KIF26B: variants seen among roughly 807,000 people sequenced by gnomAD.
KIF26B encodes kinesin-like protein KIF26B.
KIF26B carries 63 observed loss-of-function variants against 151.2 expected under a neutral mutation model. The ratio of observed to expected loss-of-function variants is 0.42; its 90% CI spans 0.34 to 0.51. The LOEUF (loss-of-function observed/expected upper bound fraction) is 0.51, where lower values mean the gene tolerates loss of function less well. KIF26B is among the 20% of genes least tolerant of loss of function. The pLI is 0.07. For missense variants in KIF26B, 2,813 were observed against 2,913.6 expected, an observed-to-expected ratio of 0.97 and a Z score of 0.79; for synonymous variants, 1,357 against 1,262.1, an observed-to-expected ratio of 1.08 and a Z score of -1.59.
chr1:245,473,543 A>G (rs1299780896), intron 4 of KIF26B, among the ~76,000 whole-genome samples: 1 of 151,950 alleles, frequency 6.6e-6, no homozygotes, highest in Non-Finnish European at 1.5e-5. Flanking sequence ...TGCTTTTTAA[A>G]TGACACAATT....
At chr1:245,407,164 T>G (rs1674154879) in intron 3 of KIF26B, among the ~76,000 whole-genome samples, 1 of 152,198 alleles carries the variant, frequency 6.6e-6, no homozygotes, top group Non-Finnish European at 1.5e-5. Context: ...TGTCAGTTTG[T>G]GCATTTCATC....
chr1:245,591,396 C>A (rs991541146), intron 5 of KIF26B, among the ~76,000 whole-genome samples: 4 of 152,160 alleles, frequency 2.6e-5, no homozygotes, highest in African/African-American at 9.7e-5. Flanking sequence ...TGGGCATTTG[C>A]TCTTTTAATG....
chr1:245,587,268 C>G (rs1366251995), intron 5 of KIF26B, among the ~76,000 whole-genome samples: 2 of 152,170 alleles, frequency 1.3e-5, no homozygotes, highest in African/African-American at 2.4e-5. Context: ...CACTGAACCC[C>G]AGTACACAAC....
chr1:245,600,093 T>C (rs1406059084), intron 5 of KIF26B, among the ~76,000 whole-genome samples: 3 of 145,286 alleles, frequency 2.1e-5, no homozygotes, highest in African/African-American at 5.2e-5. Flanking sequence ...GGCTGGAGTG[T>C]AATGGCGTGA....
chr1:245,487,012 G>A (rs1660295941), intron 4 of KIF26B, among the ~76,000 whole-genome samples: 1 of 152,190 alleles, frequency 6.6e-6, no homozygotes. Flanking sequence ...TGAGGCACGG[G>A]TTTGTCACAA....
intron 4 of KIF26B, among the ~76,000 whole-genome samples, chr1:245,444,001 A>AGAG (rs1298007903): frequency 1.7e-5 from 2 of 118,994 alleles, no homozygotes. Flanking sequence ...CTGTTCACCT[A>AGAG]GAGCGGTCAT....
intron 5 of KIF26B, among the ~76,000 whole-genome samples, chr1:245,553,273 G>A (rs150375257): frequency 6.5e-4 from 99 of 152,284 alleles, no homozygotes; most frequent in African/African-American, 2.3e-3. Context: ...GCCTATGAAC[G>A]CCAACTCTGG....
At chr1:245,357,212 G>T (rs1176110661) in intron 2 of KIF26B, among the ~76,000 whole-genome samples, 1 of 152,188 alleles carries the variant, frequency 6.6e-6, no homozygotes, top group African/African-American at 2.4e-5. Context: ...GCCGAGGACT[G>T]GCAGGATCAG....
chr1:245,371,214 C>T (rs899705896), intron 3 of KIF26B, among the ~76,000 whole-genome samples: 1 of 152,154 alleles, frequency 6.6e-6, no homozygotes, highest in Non-Finnish European at 1.5e-5. Flanking sequence ...TATGAATCTG[C>T]GTCCCCTGTG....
rs542342590 is a variant in KIF26B at position 245,578,059 on chromosome 1, C to T, written c.1351-24518C>T. Among the ~76,000 whole-genome samples, 62 of 152,314 alleles carry T rather than the reference C, an allele frequency of 4.1e-4. No individual in the cohort carries two copies. In the South Asian group the frequency reaches 0.012, roughly 30 times the overall value. ...TAACCGGAAGAGCTTTGTGGAACTG[C>T]GGCAATGAGTCCACTCTCCCCAGTC... On this transcript the variant is annotated intron_variant, in intron 5 of 14. Coordinates refer to ENST00000407071, the MANE Select transcript of KIF26B (RefSeq NM_018012.4).
Position 245,445,714 on chromosome 1 carries a change from C to T in KIF26B, c.1166+25969C>T, listed in dbSNP as rs574154648. ...CCAGCTACGCTGGTCACCGAGTATC[C>T]GCCTTGCTCTCCCAGGTGTCCATAA... On this transcript the variant is annotated intron_variant, in intron 4 of 14. Coordinates refer to ENST00000407071, the MANE Select transcript of KIF26B (RefSeq NM_018012.4). Among the ~76,000 whole-genome samples the T allele has an allele frequency of 3.9e-5, 6 of 152,316 alleles. No individual in the cohort carries two copies. The East Asian group carries it at 5.8e-4, about 15-fold the overall frequency.
chr1:245,390,483 G>A (rs1673659879), intron 3 of KIF26B, among the ~76,000 whole-genome samples: 1 of 152,108 alleles, frequency 6.6e-6, no homozygotes, highest in Non-Finnish European at 1.5e-5. Flanking sequence ...GATTACAGGT[G>A]TGAGTCACTG....
chr1:245,708,375 A>G lies in KIF26B; in HGVS notation c.*5769A>G, dbSNP rs953072906. The G allele has an allele frequency of 3.3e-5, 5 of 152,230 alleles. No homozygotes were observed. Among genetic ancestry groups the G allele is most frequent in the Admixed American group, 3.3e-4 (5 of 15,290 alleles). 9.4% of individuals were successfully genotyped at this position (152,230 alleles called of 1,614,324 possible). A position where few individuals can be genotyped will look rare whatever the true frequency, so the allele number is the denominator to read the frequency against. ...GTTCACAGAGTGGTTTTATAGCAAA[A>G]CAGGGACTTGAGTCCAGCTTATTGG... On this transcript the variant is annotated 3_prime_UTR_variant, in exon 15 of 15. Transcript: ENST00000407071.
intron 4 of KIF26B, among the ~76,000 whole-genome samples, chr1:245,469,466 A>ATAGT (rs1659862878): frequency 6.6e-6 from 1 of 152,246 alleles, no homozygotes; most frequent in East Asian, 1.9e-4. Flanking sequence ...ACTGATTGGC[A>ATAGT]TAGTTGTCAG....
intron 4 of KIF26B, among the ~76,000 whole-genome samples, chr1:245,473,938 A>G (rs947314953): frequency 5.3e-5 from 8 of 151,850 alleles, no homozygotes; most frequent in Middle Eastern, 6.4e-3. Context: ...ATAATTTAAT[A>G]CGTTCATATC....
Position 245,595,379 on chromosome 1 carries a change from T to G in KIF26B, c.1351-7198T>G, listed in dbSNP as rs113267186. On this transcript the variant is annotated intron_variant, in intron 5 of 14. Coordinates refer to ENST00000407071, the MANE Select transcript of KIF26B (RefSeq NM_018012.4). ...TGAGAGTTTTTAGCATGAAGGGGTG[T>G]TGAATTTTGTTGAAGGCCTTTTCTG... is the stretch of plus-strand genomic sequence containing the variant. Among the ~76,000 whole-genome samples, 684 of 152,266 alleles carry G rather than the reference T, an allele frequency of 4.5e-3. 5 individuals carry two copies. The highest frequency in any genetic ancestry group is 0.016 in the African/African-American group (649 of 41,524).
chr1:245,500,102 A>G (rs1660591022), intron 4 of KIF26B, among the ~76,000 whole-genome samples: 1 of 152,340 alleles, frequency 6.6e-6, no homozygotes, highest in Non-Finnish European at 1.5e-5. Flanking sequence ...TGTCTTACAT[A>G]TTCATTGTCT....
rs189379055 is a variant in KIF26B at position 245,352,019 on chromosome 1, C to G, written c.466-14815C>G. Among the ~76,000 whole-genome samples the G allele has an allele frequency of 5.9e-5, 9 of 152,236 alleles. No homozygotes were observed. The East Asian group carries it at 1.7e-3, about 29-fold the overall frequency. ...TCTGCATTTATATTGGAAAGCACTACATGAAAAAATGAGATTTGAAAGTTT... is the reference window on the plus strand; with the variant it reads ...TCTGCATTTATATTGGAAAGCACTAGATGAAAAAATGAGATTTGAAAGTTT... On this transcript the variant is annotated intron_variant, in intron 2 of 14. Coordinates refer to ENST00000407071, the MANE Select transcript of KIF26B (RefSeq NM_018012.4). This position sits in a 1 kb window ranked among gnomAD's most constrained non-coding sequence, Gnocchi z 5.0.
chr1:245,684,290 C>CGCCT lies in KIF26B; in HGVS notation c.2316_2317insGCCT (p.Thr773AlafsTer71). The CGCCT allele has an allele frequency of 6.2e-7, 1 of 1,613,990 alleles. No homozygotes were observed. The highest frequency in any genetic ancestry group is 8.5e-7 in the Non-Finnish European group (1 of 1,179,882). ...CTCTGGGGAACATGAACTGCCGTAC[C>CGCCT]ACCATGATCGCGCACATCTCGGCCG... On this transcript the variant is annotated frameshift_variant, in exon 11 of 15. Coordinates refer to ENST00000407071, the MANE Select transcript of KIF26B (RefSeq NM_018012.4). LOFTEE classifies it high-confidence loss of function.
Sources: gnomAD v4.1 joint callset for allele counts (sites outside exome capture counted in the v4.1 genomes callset) on GRCh38, gnomAD v4.1.1 for gene constraint, Gnocchi (gnomAD v3.1) non-coding constraint, MANE v1.5 for transcripts, NCBI Gene and HGNC (gene_info 2026-07-23, HGNC 2026-07-21) for gene names.